The following MRTFB variants were observed in gnomAD, a reference collection of about 807,000 sequenced individuals.
MRTFB encodes myocardin-related transcription factor B.
In MRTFB, 29 loss-of-function variants were observed where a neutral mutation model predicts 104.2. The ratio of observed to expected loss-of-function variants is 0.28; its 90% CI spans 0.21 to 0.38. The LOEUF (loss-of-function observed/expected upper bound fraction) is 0.38. Among genes scored for constraint, MRTFB ranks in the 10% least tolerant of loss-of-function variants. The pLI is 1.00. For missense variants in MRTFB, 1,270 were observed against 1,341.6 expected (o/e 0.95, Z 0.83); for synonymous variants, 535 against 519.5 (o/e 1.03, Z -0.41).
chr16:14,243,837 C>T (rs2042886866), intron 10 of MRTFB, among the ~76,000 whole-genome samples: 1 of 147,026 alleles, frequency 6.8e-6, no homozygotes, highest in South Asian at 2.1e-4. Flanking sequence ...GACTTCTATC[C>T]CCAGAGATTA....
At chr16:14,003,229 A>G in the MRTFB span, among the ~76,000 whole-genome samples, 2 of 152,192 alleles carry the variant, frequency 1.3e-5, no homozygotes, top group African/African-American at 4.8e-5. Context: ...CCGCCACAAC[A>G]AGATGAGCAA....
chr16:14,008,121 C>G, the MRTFB span, among the ~76,000 whole-genome samples: 4 of 152,148 alleles, frequency 2.6e-5, no homozygotes, highest in African/African-American at 9.7e-5. Flanking sequence ...GTCCCAGCAA[C>G]TCAGGAGGCT....
the MRTFB span, among the ~76,000 whole-genome samples, chr16:14,034,626 A>C: frequency 2.6e-5 from 4 of 151,888 alleles, no homozygotes; most frequent in South Asian, 8.3e-4. Flanking sequence ...CAAAAAAAAA[A>C]AAAAAAAAAG....
chr16:14,072,863 A>G (rs991198362), intron 1 of MRTFB, among the ~76,000 whole-genome samples: 26 of 152,222 alleles, frequency 1.7e-4, no homozygotes, highest in African/African-American at 6.0e-4. Flanking sequence ...ATGGATCCAT[A>G]TTTTTAAACT....
intron 3 of MRTFB, among the ~76,000 whole-genome samples, chr16:14,206,855 TCTTG>T (rs1352339096): frequency 6.6e-6 from 1 of 151,980 alleles, no homozygotes; most frequent in Non-Finnish European, 1.5e-5. Context: ...GTACCTGATC[TCTTG>T]CTAGAACATA....
intron 3 of MRTFB, among the ~76,000 whole-genome samples, chr16:14,182,381 A>T (rs2039799947): frequency 6.6e-6 from 1 of 152,118 alleles, no homozygotes; most frequent in Non-Finnish European, 1.5e-5. Context: ...CCTGTAGGAG[A>T]AGGGGCCACA....
intron 10 of MRTFB, among the ~76,000 whole-genome samples, chr16:14,243,497 G>A (rs529996117): frequency 2.6e-5 from 4 of 152,188 alleles, no homozygotes; most frequent in Non-Finnish European, 4.4e-5. Context: ...CAATGGAATC[G>A]GCTGTACGGT....
chr16:14,029,508 T>C, the MRTFB span, among the ~76,000 whole-genome samples: 7 of 104,022 alleles, frequency 6.7e-5, no homozygotes, highest in South Asian at 1.1e-3. Flanking sequence ...TATATACACA[T>C]ATATATACAC....
chr16:14,027,183 T>A, the MRTFB span, among the ~76,000 whole-genome samples: 3 of 152,096 alleles, frequency 2.0e-5, no homozygotes, highest in Non-Finnish European at 4.4e-5. Context: ...ATAAGCCAAC[T>A]GCTACTCAGC....
At chr16:14,002,501 T>C in the MRTFB span, among the ~76,000 whole-genome samples, 2 of 152,052 alleles carry the variant, frequency 1.3e-5, no homozygotes, top group Admixed American at 6.5e-5. Context: ...AGAGAATAAC[T>C]TCTACTAGGT....
chr16:14,235,930 C>T (rs1597338114), intron 9 of MRTFB, among the ~76,000 whole-genome samples: 1 of 152,210 alleles, frequency 6.6e-6, no homozygotes, highest in Non-Finnish European at 1.5e-5. Context: ...CCTGTAATCC[C>T]TGCACTTTGG....
rs368607453 is a variant in MRTFB at position 14,260,256 on chromosome 16, G to A, written c.2765-653G>A. 3.6e-4 allele frequency among the ~76,000 whole-genome samples: 54 copies of A among 151,674 alleles called. 1 individual carries two copies. In the South Asian group the frequency reaches 0.011, roughly 30 times the overall value. ...AAAGGATCAAAGGAACCATATGTTA[G>A]CTTTAATTCAGAAATGAAATCAAAT... On this transcript the variant is annotated intron_variant, in intron 16 of 16. Coordinates refer to ENST00000571589, the MANE Select transcript of MRTFB (RefSeq NM_001308142.2).
chr16:14,082,280 C>G (rs898333596), intron 2 of MRTFB, among the ~76,000 whole-genome samples: 14 of 152,154 alleles, frequency 9.2e-5, no homozygotes, highest in African/African-American at 3.1e-4. Context: ...TTGCCAACAC[C>G]ATTTAGAAGA....
chr16:14,175,101 C>T (rs931046377), intron 3 of MRTFB, among the ~76,000 whole-genome samples: 11 of 151,906 alleles, frequency 7.2e-5, no homozygotes, highest in African/African-American at 1.2e-4. Flanking sequence ...TATTGTGTTA[C>T]GTAAAGGAAT....
intron 4 of MRTFB, 143 bp downstream of exon 4, chr16:14,210,451 G>T: frequency 1.7e-6 from 1 of 603,654 alleles, no homozygotes; most frequent in Non-Finnish European, 2.8e-6. Flanking sequence ...GGAAAAATCA[G>T]GCACCTAAGT....
At chr16:14,029,416 AAAAAT>A in the MRTFB span, among the ~76,000 whole-genome samples, 18 of 66,138 alleles carry the variant, frequency 2.7e-4, no homozygotes, top group African/African-American at 7.1e-4. Flanking sequence ...AAAAAAAAAA[AAAAAT>A]ATATATATAT....
chr16:14,187,446 T>C (rs902080251), intron 3 of MRTFB, among the ~76,000 whole-genome samples: 1 of 152,246 alleles, frequency 6.6e-6, no homozygotes, highest in Non-Finnish European at 1.5e-5. Flanking sequence ...TTTTTTCAGT[T>C]AAGATGCTTA....
chr16:14,003,305 ATGGTCC>A, the MRTFB span, among the ~76,000 whole-genome samples: 1 of 151,994 alleles, frequency 6.6e-6, no homozygotes, highest in Non-Finnish European at 1.5e-5. Flanking sequence ...ACAGGGAGAA[ATGGTCC>A]TGTCACTTCT....
the MRTFB span, among the ~76,000 whole-genome samples, chr16:14,047,373 A>G: frequency 6.6e-6 from 1 of 152,154 alleles, no homozygotes; most frequent in Non-Finnish European, 1.5e-5. Flanking sequence ...GAAGAAAGGG[A>G]AGGGGCAGTC....
Sources: allele counts gnomAD v4.1 joint callset (sites outside exome capture counted in the v4.1 genomes callset), GRCh38; gene constraint gnomAD v4.1.1; transcripts MANE v1.5; gene names NCBI Gene and HGNC (gene_info 2026-07-23, HGNC 2026-07-21).